Variants in PRH1 observed in about 807,000 individuals in gnomAD.
PRH1 encodes the protein proline rich protein HaeIII subfamily 1, also known as salivary acidic proline-rich phosphoprotein 1/2.
A neutral mutation model predicts 7.9 loss-of-function variants in PRH1; 7 were observed. The ratio of observed to expected loss-of-function variants is 0.89; its 90% CI spans 0.50 to 1.67. PRH1 has a LOEUF of 1.67. Ranked by LOEUF, PRH1 falls within the 40% of genes most tolerant of loss-of-function variation. The probability of loss-of-function intolerance (pLI) is 0.00; values close to 1 mark genes in which losing one functional copy is unlikely to be tolerated. For synonymous variants in PRH1, 45 were observed against 80.8 expected, an observed-to-expected ratio of 0.56 and a Z score of 2.38; for missense variants, 109 against 223.6, an observed-to-expected ratio of 0.49 and a Z score of 3.27.
intron 1 of PRH1, among the ~76,000 whole-genome samples, chr12:11,075,471 T>C (rs1243628817): frequency 9.1e-6 from 1 of 110,172 alleles, no homozygotes; most frequent in African/African-American, 3.0e-5. Context: ...GAGAAAGAGA[T>C]GTTCCCTAAA....
At chr12:11,050,336 G>A (rs765097947), upstream of PRH1, among the ~76,000 whole-genome samples, 6 of 152,206 alleles carry the variant, frequency 3.9e-5, no homozygotes, top group African/African-American at 1.2e-4. Flanking sequence ...TGGGTCTGGC[G>A]AGTTATCTGC....
At chr12:10,904,467 C>T (rs1304894078) in intron 2 of PRH1, among the ~76,000 whole-genome samples, 2 of 152,132 alleles carry the variant, frequency 1.3e-5, no homozygotes, top group Admixed American at 6.6e-5. Flanking sequence ...GGATATCTGG[C>T]TAGCCATAAG....
chr12:10,995,316 C>T (rs1304896047), intron 1 of PRH1, among the ~76,000 whole-genome samples: 6 of 149,360 alleles, frequency 4.0e-5, no homozygotes, highest in Non-Finnish European at 7.4e-5. Context: ...TTACATTGTA[C>T]CAGGTAAGAT....
intron 1 of PRH1, among the ~76,000 whole-genome samples, chr12:11,033,111 T>C (rs1349152452): frequency 6.6e-6 from 1 of 151,914 alleles, no homozygotes; most frequent in Non-Finnish European, 1.5e-5. Flanking sequence ...AAAAATAAAA[T>C]CCAGGCCCAG....
At chr12:11,030,178 GAAA>G (rs1942116022) in intron 1 of PRH1, among the ~76,000 whole-genome samples, 1 of 15,914 alleles carries the variant, frequency 6.3e-5, no homozygotes, top group Non-Finnish European at 4.7e-4. Flanking sequence ...GAAAAAAACA[GAAA>G]AGAGCATGTT....
intron 2 of PRH1, chr12:10,908,978 A>G (rs372007541): frequency 6.2e-7 from 1 of 1,613,652 alleles, no homozygotes; most frequent in Non-Finnish European, 8.5e-7. Context: ...TTTTGAGCAA[A>G]TAAAAGATGC....
At chr12:11,047,667 C>T (rs1038071155), upstream of PRH1, among the ~76,000 whole-genome samples, 1 of 145,848 alleles carries the variant, frequency 6.9e-6, no homozygotes, top group Non-Finnish European at 1.5e-5. Context: ...TCACATACTA[C>T]TATTAAATCC....
intron 1 of PRH1, among the ~76,000 whole-genome samples, chr12:11,137,728 C>T (rs1179947738): frequency 6.6e-6 from 1 of 152,134 alleles, no homozygotes; most frequent in Non-Finnish European, 1.5e-5. Context: ...TTAAACTTTG[C>T]TGTTTACTCC....
At chr12:11,036,256 T>G (rs924144867) in intron 1 of PRH1, among the ~76,000 whole-genome samples, 1 of 152,204 alleles carries the variant, frequency 6.6e-6, no homozygotes, top group African/African-American at 2.4e-5. Context: ...AAAGATCAAA[T>G]AGTAAAACAG....
intron 1 of PRH1, among the ~76,000 whole-genome samples, chr12:11,014,306 G>A (rs1433846923): frequency 6.6e-6 from 1 of 152,142 alleles, no homozygotes; most frequent in Non-Finnish European, 1.5e-5. Context: ...GAGAAGTAGT[G>A]CCCAGTGGAT....
At chr12:10,965,960 A>G (rs1938481014) in intron 2 of PRH1, among the ~76,000 whole-genome samples, 1 of 152,214 alleles carries the variant, frequency 6.6e-6, no homozygotes, top group Admixed American at 6.5e-5. Context: ...CCTGCTAACC[A>G]GTACTTTTGT....
At chr12:11,126,421 TTTA>T (rs1946131228) in intron 1 of PRH1, among the ~76,000 whole-genome samples, 1 of 152,248 alleles carries the variant, frequency 6.6e-6, no homozygotes, top group African/African-American at 2.4e-5. Context: ...CATTTTCCTT[TTTA>T]TTAACATTCT....
chr12:10,930,535 G>C lies in PRH1; in HGVS notation c.-59+43120C>G, dbSNP rs146595547. The C allele has an allele frequency of 2.2e-3, 3,271 of 1,519,502 alleles. 77 individuals are homozygous for C. The African/African-American group carries it at 0.042, about 19-fold the overall frequency. 94.1% of individuals were successfully genotyped at this position (1,519,502 alleles called of 1,614,324 possible). ...GTTCTAATTAGGAAGCCTTGGGAAGGGGGGAGGTTGGGAGTTGAGAGGCAG... is the reference window on the plus strand; with the variant it reads ...GTTCTAATTAGGAAGCCTTGGGAAGCGGGGAGGTTGGGAGTTGAGAGGCAG... On this transcript the variant is annotated intron_variant, in intron 2 of 3. Coordinates refer to the PRH1 transcript ENST00000539853.
At chr12:11,098,833 A>C (rs2136277645) in intron 1 of PRH1, among the ~76,000 whole-genome samples, 1 of 152,314 alleles carries the variant, frequency 6.6e-6, no homozygotes, top group African/African-American at 2.4e-5. Context: ...ACACAAATAC[A>C]CGCATGTGCA....
chr12:11,134,482 C>T, intron 1 of PRH1: 1 of 516,140 alleles, frequency 1.9e-6, no homozygotes, highest in East Asian at 3.3e-5. Flanking sequence ...TTCAAATTAA[C>T]TGACTCATTC....
At chr12:11,143,632 G>A (rs1232671173) in intron 1 of PRH1, among the ~76,000 whole-genome samples, 2 of 151,952 alleles carry the variant, frequency 1.3e-5, no homozygotes, top group Non-Finnish European at 2.9e-5. Flanking sequence ...AGAAAATAAA[G>A]GGATGGAAAA....
chr12:11,111,057 G>A (rs534002597), intron 1 of PRH1, among the ~76,000 whole-genome samples: 1 of 152,276 alleles, frequency 6.6e-6, no homozygotes, highest in South Asian at 2.1e-4. Context: ...AGACAAAGAG[G>A]AGAATTACAT....
chr12:11,092,088 G>C (rs113197337), intron 1 of PRH1: 516,218 of 1,041,756 alleles, frequency 0.5, 124,763 homozygotes, highest in Non-Finnish European at 0.51. Context: ...AGAGCAGTGA[G>C]AATTTGGTCA....
At chr12:11,054,121 G>A (rs78336458) in intron 1 of PRH1, among the ~76,000 whole-genome samples, 2 of 121,144 alleles carry the variant, frequency 1.7e-5, no homozygotes, top group East Asian at 5.0e-4. Flanking sequence ...TGCCTGGCTC[G>A]ATTCTTATAT....
Sources: allele counts gnomAD v4.1 joint callset (sites outside exome capture counted in the v4.1 genomes callset), GRCh38; gene constraint gnomAD v4.1.1; transcripts MANE v1.5; gene names NCBI Gene and HGNC (gene_info 2026-07-23, HGNC 2026-07-21).